The following AIDA variants were observed in gnomAD, a reference collection of about 807,000 sequenced individuals.
The protein encoded by AIDA is axin interactor, dorsalization-associated protein.
Under a neutral mutation model 42.7 loss-of-function variants are expected in AIDA, and 18 were observed. The ratio of observed to expected loss-of-function variants is 0.42; its 90% CI spans 0.29 to 0.63. AIDA has a LOEUF of 0.63. AIDA is among the 20% of genes least tolerant of loss of function. AIDA has a pLI of 0.19. For synonymous variants in AIDA, 104 were observed against 122.9 expected (o/e 0.85, Z 1.02); for missense variants, 250 against 354.1 (o/e 0.71, Z 2.36).
chr1:222,700,975 G>C (rs963744464), intron 2 of AIDA, among the ~76,000 whole-genome samples: 3 of 147,184 alleles, frequency 2.0e-5, no homozygotes, highest in South Asian at 2.2e-4. Context: ...TTTTTTTGGG[G>C]GGGGGGGGAC....
chr1:222,673,268 AG>A (rs1257547565), intron 8 of AIDA, 44 bp downstream of exon 8: 1 of 1,536,680 alleles, frequency 6.5e-7, no homozygotes, highest in Admixed American at 1.9e-5. Flanking sequence ...AAATAAGATG[AG>A]AATTCTGTCC....
intron 2 of AIDA, among the ~76,000 whole-genome samples, chr1:222,699,001 A>C (rs1015825362): frequency 5.9e-5 from 9 of 151,354 alleles, no homozygotes; most frequent in African/African-American, 2.2e-4. Context: ...AATTTTTTGT[A>C]TTTTCAGTAG....
At chr1:222,698,691 T>TC (rs1348123861) in intron 2 of AIDA, among the ~76,000 whole-genome samples, 1 of 152,040 alleles carries the variant, frequency 6.6e-6, no homozygotes, top group Non-Finnish European at 1.5e-5. Flanking sequence ...CCTCAGGTGA[T>TC]CCGCCCGCCT....
chr1:222,707,250 G>A (rs1349210256), intron 1 of AIDA, among the ~76,000 whole-genome samples: 1 of 151,656 alleles, frequency 6.6e-6, no homozygotes, highest in Non-Finnish European at 1.5e-5. Flanking sequence ...CTCTGTCTCC[G>A]GGGCTCAAGC....
chr1:222,676,824 A>G (rs1324879925), intron 6 of AIDA, among the ~76,000 whole-genome samples: 1 of 151,950 alleles, frequency 6.6e-6, no homozygotes, highest in Non-Finnish European at 1.5e-5. Flanking sequence ...TACTATTGAT[A>G]TAGGAAATAA....
chr1:222,691,208 A>G lies in AIDA; in HGVS notation c.289+2581T>C, dbSNP rs187497184. On this transcript the variant is annotated intron_variant, in intron 4 of 9. Transcript: ENST00000340020. The stretch of plus-strand genomic sequence containing the variant: ...GGAAAGGGCTTTCCAGGGATTAGCG[A>G]ACAGCCTGGAGCAACAACAAAGGCT... Among the ~76,000 whole-genome samples the G allele has an allele frequency of 4.7e-3, 722 of 152,326 alleles. 1 individual carries two copies. The highest frequency in any genetic ancestry group is 0.01 in the Middle Eastern group (3 of 292).
At chr1:222,688,246 T>G (rs535748005) in intron 4 of AIDA, among the ~76,000 whole-genome samples, 1 of 152,020 alleles carries the variant, frequency 6.6e-6, no homozygotes, top group Non-Finnish European at 1.5e-5. Context: ...GATACATGAG[T>G]ACATTTTATT....
At chr1:222,688,163 T>A (rs998132681) in intron 4 of AIDA, among the ~76,000 whole-genome samples, 1 of 152,120 alleles carries the variant, frequency 6.6e-6, no homozygotes, top group African/African-American at 2.4e-5. Context: ...AAGGCTGCAG[T>A]GAGCCATGAT....
chr1:222,688,089 G>A (rs145332031), intron 4 of AIDA, among the ~76,000 whole-genome samples: 27 of 152,168 alleles, frequency 1.8e-4, no homozygotes, highest in South Asian at 8.3e-4. Context: ...GCATGGTGGC[G>A]CAGGTCTGTG....
intron 1 of AIDA, among the ~76,000 whole-genome samples, chr1:222,704,352 CAT>C (rs2124969165): frequency 6.6e-6 from 1 of 152,108 alleles, no homozygotes; most frequent in South Asian, 2.1e-4. Flanking sequence ...ACTGAAAAAC[CAT>C]ATGTTTACAC....
chr1:222,691,032 G>T (rs956583495), intron 4 of AIDA, among the ~76,000 whole-genome samples: 3 of 152,132 alleles, frequency 2.0e-5, no homozygotes, highest in African/African-American at 7.2e-5. Flanking sequence ...TGTTATAAAG[G>T]ACACAAACAG....
intron 2 of AIDA, among the ~76,000 whole-genome samples, chr1:222,701,122 C>A (rs1191816445): frequency 6.6e-6 from 1 of 151,958 alleles, no homozygotes; most frequent in Non-Finnish European, 1.5e-5. Context: ...ACCACCACGC[C>A]TACCTAATTT....
chr1:222,673,245 T>C (rs1221985579), intron 8 of AIDA, 68 bp downstream of exon 8: 16 of 1,444,044 alleles, frequency 1.1e-5, no homozygotes, highest in Admixed American at 2.1e-5. Context: ...AGGTCCACCA[T>C]ATGTACAAAC....
rs1372595497 is a variant in AIDA at position 222,712,268 on chromosome 1, C to T, written c.50G>A (p.Arg17Lys). The T allele has an allele frequency of 6.3e-7, 1 of 1,588,190 alleles. No homozygotes were observed. Among genetic ancestry groups the T allele is most frequent in the African/African-American group, 1.4e-5 (1 of 73,992 alleles). The change falls in exon 1 of 10, where the codon AGG becomes AAG. Residue 17 changes from arginine (R) to lysine (K), a missense_variant. Arg to Lys is a conservative substitution (Grantham distance 26). Transcript: ENST00000340020. ...SLLQRWGASFRRGADFDSWGQ... is the reference protein window; with the variant it reads ...SLLQRWGASFKRGADFDSWGQ... ...CCAAGAGTCGAAGTCGGCGCCTCTC[C>T]TAAAACTGGCGCCCCAGCGCTGCAG...
At chr1:222,699,620 A>G (rs1655626660) in intron 2 of AIDA, among the ~76,000 whole-genome samples, 1 of 152,188 alleles carries the variant, frequency 6.6e-6, no homozygotes, top group South Asian at 2.1e-4. Context: ...AATGTTCCCC[A>G]GAATACACCT....
At chr1:222,675,073 C>T (rs1006058301) in intron 7 of AIDA, among the ~76,000 whole-genome samples, 2 of 152,118 alleles carry the variant, frequency 1.3e-5, no homozygotes, top group Admixed American at 6.5e-5. Flanking sequence ...CTGTGGATCA[C>T]GGTCTCCAAA....
intron 6 of AIDA, among the ~76,000 whole-genome samples, chr1:222,681,718 C>T (rs1258424211): frequency 6.6e-6 from 1 of 152,140 alleles, no homozygotes; most frequent in Non-Finnish European, 1.5e-5. Context: ...AACCTAGCAA[C>T]AGGGCAGGCT....
chr1:222,681,178 C>T (rs1664646393), intron 6 of AIDA, among the ~76,000 whole-genome samples: 1 of 152,194 alleles, frequency 6.6e-6, no homozygotes, highest in Admixed American at 6.5e-5. Flanking sequence ...ACGCCCTGTC[C>T]TCACGTGTAC....
At chr1:222,677,035 A>T (rs903137275) in intron 6 of AIDA, among the ~76,000 whole-genome samples, 4 of 151,954 alleles carry the variant, frequency 2.6e-5, no homozygotes, top group African/African-American at 9.7e-5. Flanking sequence ...CCATCAACTG[A>T]TATCTCTCAA....
Sources: gnomAD v4.1 joint callset for allele counts (sites outside exome capture counted in the v4.1 genomes callset) on GRCh38, gnomAD v4.1.1 for gene constraint, MANE v1.5 for transcripts, NCBI Gene and HGNC (gene_info 2026-07-23, HGNC 2026-07-21) for gene names.